The following LSM5 variants were observed in gnomAD, a reference collection of about 807,000 sequenced individuals.
LSM5 encodes the protein LSM5 homolog, U6 small nuclear RNA and mRNA degradation associated, also known as U6 snRNA-associated Sm-like protein LSm5.
A neutral mutation model predicts 13.8 loss-of-function variants in LSM5; 8 were observed. The observed-to-expected ratio is 0.58, with a 90% CI of 0.34 to 1.04. The LOEUF is 1.04. LSM5 is among the 50% of genes least tolerant of loss of function. The pLI, the probability that LSM5 is intolerant of heterozygous loss-of-function variation, is 0.03. For synonymous variants in LSM5, 35 were observed against 37.0 expected, an observed-to-expected ratio of 0.95 and a Z score of 0.20; for missense variants, 80 against 108.1, an observed-to-expected ratio of 0.74 and a Z score of 1.15.
chr7:32,492,184 G>C (rs34147895), upstream of LSM5, among the ~76,000 whole-genome samples: 49,341 of 151,816 alleles, frequency 0.33, 8,627 homozygotes, highest in East Asian at 0.48. Flanking sequence ...CATACTGACA[G>C]TATGGGAGAA....
intron 1 of LSM5, chr7:32,489,556 T>C (rs750223972): frequency 3.2e-5 from 16 of 493,654 alleles, no homozygotes; most frequent in Non-Finnish European, 4.6e-5. Context: ...GAATGAAAAC[T>C]TTTCAATCAC....
chr7:32,488,760 G>A, intron 2 of LSM5, 108 bp from the exon 3 acceptor site: 1 of 761,168 alleles, frequency 1.3e-6, no homozygotes, highest in South Asian at 1.6e-5. Context: ...GTCTCGCTCT[G>A]TCATCCAGGC....
rs760791231 is a variant in LSM5 at position 32,489,354 on chromosome 7, G to GA, written c.47-11dup. On this transcript the variant is annotated splice_polypyrimidine_tract_variant and intron_variant, in intron 1 of 4. Coordinates refer to ENST00000450169, the MANE Select transcript of LSM5 (RefSeq NM_012322.3). ...CATTTGTCCACAAGCTCTGAGGAGG[G>GA]AAAAAATATTATTTTACCATTCATT... is the stretch of plus-strand genomic sequence containing the variant. 36 of 1,455,874 alleles carry GA rather than the reference G, an allele frequency of 2.5e-5. No individual in the cohort carries two copies. The highest frequency in any genetic ancestry group is 1.3e-5 in the Non-Finnish European group (14 of 1,045,798). 90.2% of individuals were successfully genotyped at this position (1,455,874 alleles called of 1,614,324 possible). A position where few individuals can be genotyped will look rare whatever the true frequency, so the allele number is the denominator to read the frequency against.
At chr7:32,490,424 T>G, upstream of LSM5, 14 of 1,362,194 alleles carry the variant, frequency 1.0e-5, no homozygotes, top group Non-Finnish European at 1.4e-5. Flanking sequence ...AAAGCGCGCT[T>G]CCGCTTTTTC....
upstream of LSM5, among the ~76,000 whole-genome samples, chr7:32,492,070 TTCTTTC>T (rs535879235): frequency 1.5e-4 from 23 of 152,320 alleles, 1 homozygote; most frequent in South Asian, 4.3e-3. Context: ...TGACGCTTCT[TTCTTTC>T]TCTTTCTCTT....
At chr7:32,490,572 C>A, upstream of LSM5, 1 of 597,726 alleles carries the variant, frequency 1.7e-6, no homozygotes, top group East Asian at 2.9e-5. Flanking sequence ...TTTACCATCT[C>A]GGCAGATACC....
At chr7:32,489,506 G>A (rs1786523482) in intron 1 of LSM5, 162 bp from the exon 2 acceptor site, 3 of 577,744 alleles carry the variant, frequency 5.2e-6, no homozygotes, top group Non-Finnish European at 9.1e-6. Context: ...CACAGCATCT[G>A]GCACATAATG....
At chr7:32,491,050 C>G (rs1786572190), upstream of LSM5, among the ~76,000 whole-genome samples, 1 of 152,124 alleles carries the variant, frequency 6.6e-6, no homozygotes, top group Non-Finnish European at 1.5e-5. Flanking sequence ...GTGTTGAAAA[C>G]AGCAAAGTAT....
In LSM5 at chr7:32,486,144, C is replaced by T. The variant is rs939224403; in HGVS notation, c.*1117G>A. The stretch of plus-strand genomic sequence containing the variant: ...ACAATATATACCCTTTGATCTTACA[C>T]ATTTTTGAGTTTATTCTAGAAAAAT... On this transcript the variant is annotated 3_prime_UTR_variant, in exon 5 of 5. Coordinates refer to ENST00000450169, the MANE Select transcript of LSM5 (RefSeq NM_012322.3). 2.0e-5 allele frequency: 3 copies of T among 152,164 alleles called. No homozygotes were observed. The highest frequency in any genetic ancestry group is 2.9e-5 in the Non-Finnish European group (2 of 68,024). 9.4% of individuals were successfully genotyped at this position (152,164 alleles called of 1,614,324 possible).
chr7:32,493,512 GTAAC>G (rs77298048), upstream of LSM5, among the ~76,000 whole-genome samples: 3,495 of 146,354 alleles, frequency 0.024, 44 homozygotes, highest in Non-Finnish European at 0.036. Flanking sequence ...AATTTTCCCA[GTAAC>G]TAACTTTTTC....
chr7:32,488,649 A>T lies in LSM5; in HGVS notation c.146T>A (p.Met49Lys). The change falls in exon 3 of 5, where the codon ATG becomes AAG. Residue 49 changes from methionine (M) to lysine (K), a missense_variant. Coordinates refer to ENST00000450169, the MANE Select transcript of LSM5 (RefSeq NM_012322.3). ...CAACTCAGTGACATCTTCCAGTACC[A>T]TATCTGAAATTTGGTGTTAAGAAAA... Reference protein sequence around the residue: ...TLLGFDDFVNMVLEDVTEFEI... With the variant: ...TLLGFDDFVNKVLEDVTEFEI... The T allele has an allele frequency of 6.3e-7, 1 of 1,593,198 alleles. No homozygotes were observed. The highest frequency in any genetic ancestry group is 1.1e-5 in the South Asian group (1 of 90,416).
chr7:32,489,151 G>A, intron 2 of LSM5, 98 bp downstream of exon 2: 1 of 646,498 alleles, frequency 1.5e-6, no homozygotes, highest in Non-Finnish European at 2.7e-6. Context: ...AGAATGAACT[G>A]ATTTTTATTA....
In LSM5 at chr7:32,487,457, C is replaced by T. The variant is rs944314505; in HGVS notation, c.244-164G>A. 7.4e-6 allele frequency: 5 copies of T among 675,684 alleles called. No individual in the cohort carries two copies. The African/African-American group carries it at 9.1e-5, about 12-fold the overall frequency. The allele number at this position is 675,684 out of a possible 1,614,324, so 41.9% of individuals were successfully genotyped here. ...CAATTCCCAACGTCATCAATTAATACTTACTATCTCAACAGCGATTAAAAG... is the reference window on the plus strand; with the variant it reads ...CAATTCCCAACGTCATCAATTAATATTTACTATCTCAACAGCGATTAAAAG... On this transcript the variant is annotated intron_variant, in intron 4 of 4. Coordinates refer to ENST00000450169, the MANE Select transcript of LSM5 (RefSeq NM_012322.3).
chr7:32,489,020 C>G (rs1786512265), intron 2 of LSM5, among the ~76,000 whole-genome samples: 1 of 152,286 alleles, frequency 6.6e-6, no homozygotes, highest in Non-Finnish European at 1.5e-5. Flanking sequence ...CCACTGGGCT[C>G]GCCTGTTCAG....
Position 32,487,095 on chromosome 7 carries a change from G to T in LSM5, c.*166C>A, listed in dbSNP as rs1786466119. 2 of 650,492 alleles carry T rather than the reference G, an allele frequency of 3.1e-6. No homozygotes were observed. Among genetic ancestry groups the T allele is most frequent in the Admixed American group, 3.0e-5 (1 of 32,846 alleles). 40.3% of individuals were successfully genotyped at this position (650,492 alleles called of 1,614,324 possible). Reference sequence around the variant, plus strand: ...AGAAGCTCTTTTCTTCTTTTTCCAGGATAATCATGATTAACTTACAAAAAT... The same window carrying T: ...AGAAGCTCTTTTCTTCTTTTTCCAGTATAATCATGATTAACTTACAAAAAT... On this transcript the variant is annotated 3_prime_UTR_variant, in exon 5 of 5. Transcript: ENST00000450169.
chr7:32,495,189 A>G (rs914991335), upstream of LSM5: 1 of 152,872 alleles, frequency 6.5e-6, no homozygotes, highest in Non-Finnish European at 1.5e-5. Flanking sequence ...GTGCTTTGAG[A>G]TTGAATCCAG....
chr7:32,487,298 A>G lies in LSM5; in HGVS notation c.244-5T>C, dbSNP rs1786470156. Reference sequence around the variant, plus strand: ...TCCTTCTCCTCCAGGAACCAGCTGCATAAAGAGGAAAAAGAGTTTATTAAT... The same window carrying G: ...TCCTTCTCCTCCAGGAACCAGCTGCGTAAAGAGGAAAAAGAGTTTATTAAT... On this transcript the variant is annotated splice_region_variant and splice_polypyrimidine_tract_variant and intron_variant, in intron 4 of 4. Coordinates refer to ENST00000450169, the MANE Select transcript of LSM5 (RefSeq NM_012322.3). The G allele has an allele frequency of 6.2e-7, 1 of 1,613,454 alleles. No individual in the cohort carries two copies. The highest frequency in any genetic ancestry group is 8.5e-7 in the Non-Finnish European group (1 of 1,179,462).
In LSM5 at chr7:32,487,190, T is replaced by TG; in HGVS notation, c.*70dup. 1.5e-6 allele frequency: 2 copies of TG among 1,376,054 alleles called. No homozygotes were observed. Among genetic ancestry groups the TG allele is most frequent in the Non-Finnish European group, 1.0e-6 (1 of 968,086 alleles). The allele number at this position is 1,376,054 out of a possible 1,614,324, so 85.2% of individuals were successfully genotyped here. ...TTTATGGGATTTAAACATTAGAAAGTGGGAAAAAAAATTCCATTTTCTTGT... is the reference window on the plus strand; with the variant it reads ...TTTATGGGATTTAAACATTAGAAAGTGGGGAAAAAAAATTCCATTTTCTTGT... On this transcript the variant is annotated 3_prime_UTR_variant, in exon 5 of 5. Coordinates refer to ENST00000450169, the MANE Select transcript of LSM5 (RefSeq NM_012322.3).
chr7:32,487,655 T>C (rs749235260), intron 4 of LSM5, 30 bp downstream of exon 4: 1 of 1,238,936 alleles, frequency 8.1e-7, no homozygotes, highest in East Asian at 2.3e-5. Context: ...TGGGCTCCCA[T>C]CAAAATAAAA....
Sources: gnomAD v4.1 joint callset for allele counts (sites outside exome capture counted in the v4.1 genomes callset) on GRCh38, gnomAD v4.1.1 for gene constraint, MANE v1.5 for transcripts, NCBI Gene and HGNC (gene_info 2026-07-23, HGNC 2026-07-21) for gene names.